CREB5: variants seen among roughly 807,000 people sequenced by gnomAD.
The protein encoded by CREB5 is cAMP responsive element binding protein 5.
A neutral mutation model predicts 57.1 loss-of-function variants in CREB5; 19 were observed. The observed-to-expected ratio is 0.33, with a 90% CI of 0.23 to 0.49. CREB5 has a LOEUF of 0.49. Ranked by LOEUF, CREB5 falls within the 20% of genes least tolerant of loss-of-function variation. CREB5 has a pLI of 0.99. For synonymous variants in CREB5, 238 were observed against 238.3 expected, an observed-to-expected ratio of 1.00 and a Z score of 0.01; for missense variants, 579 against 671.6, an observed-to-expected ratio of 0.86 and a Z score of 1.52.
At chr7:28,674,067 G>C (rs535662115) in intron 5 of CREB5, among the ~76,000 whole-genome samples, 1 of 152,056 alleles carries the variant, frequency 6.6e-6, no homozygotes, top group African/African-American at 2.4e-5. Flanking sequence ...AAAGGACAGG[G>C]TGCATAGGCA....
chr7:28,787,315 T>C (rs1807388333), intron 7 of CREB5, among the ~76,000 whole-genome samples: 1 of 152,204 alleles, frequency 6.6e-6, no homozygotes, highest in Non-Finnish European at 1.5e-5. Context: ...ACTTCCTCCT[T>C]GTTTCTTATT....
chr7:28,780,741 T>C (rs1390589213), intron 7 of CREB5, among the ~76,000 whole-genome samples: 3 of 152,274 alleles, frequency 2.0e-5, no homozygotes, highest in Non-Finnish European at 2.9e-5. Context: ...CCCTGTACTA[T>C]GAGTCTAGTG....
At chr7:28,323,251 G>A (rs778951425) in intron 1 of CREB5, among the ~76,000 whole-genome samples, 17 of 152,282 alleles carry the variant, frequency 1.1e-4, no homozygotes, top group Admixed American at 2.6e-4. Flanking sequence ...CCACAACTGT[G>A]CTGACTGTTC....
intron 5 of CREB5, chr7:28,615,720 G>A (rs574440775): frequency 6.6e-6 from 1 of 152,460 alleles, no homozygotes; most frequent in Admixed American, 6.5e-5. Context: ...TAACCTCCAG[G>A]GCCTTGATCT....
intron 1 of CREB5, among the ~76,000 whole-genome samples, chr7:28,313,210 T>C (rs1381497563): frequency 1.3e-5 from 2 of 152,220 alleles, no homozygotes; most frequent in Admixed American, 1.3e-4. Flanking sequence ...CTGATCTAGA[T>C]GGTGCTTGAA....
intron 4 of CREB5, among the ~76,000 whole-genome samples, chr7:28,544,471 A>C (rs1327311458): frequency 3.3e-5 from 5 of 152,200 alleles, no homozygotes; most frequent in Non-Finnish European, 7.3e-5. Context: ...ACATCTTTTA[A>C]ATTTAACTTT....
chr7:28,313,408 A>C (rs893418967), intron 1 of CREB5, among the ~76,000 whole-genome samples: 9 of 152,158 alleles, frequency 5.9e-5, no homozygotes, highest in Non-Finnish European at 1.0e-4. Flanking sequence ...AATTTTATTC[A>C]TCATAGTTTT....
chr7:28,387,373 C>T (rs887329453), intron 1 of CREB5, among the ~76,000 whole-genome samples: 1 of 151,624 alleles, frequency 6.6e-6, no homozygotes, highest in Non-Finnish European at 1.5e-5. Flanking sequence ...GAATGTATGT[C>T]TTTTGAGAAG....
chr7:28,346,909 A>G (rs1349271178), intron 1 of CREB5, among the ~76,000 whole-genome samples: 1 of 152,212 alleles, frequency 6.6e-6, no homozygotes, highest in Non-Finnish European at 1.5e-5. Context: ...TTTGATCAGT[A>G]TAAAAGGGAA....
chr7:28,556,915 C>A (rs1794903608), intron 4 of CREB5, among the ~76,000 whole-genome samples: 1 of 152,180 alleles, frequency 6.6e-6, no homozygotes, highest in African/African-American at 2.4e-5. Flanking sequence ...TGGCCACGTG[C>A]CCTCTCCCCA....
intron 5 of CREB5, among the ~76,000 whole-genome samples, chr7:28,614,897 T>G (rs572037955): frequency 2.2e-4 from 33 of 152,326 alleles, no homozygotes; most frequent in Non-Finnish European, 4.4e-4. Flanking sequence ...AGCATTTCAT[T>G]CATATTTTAA....
chr7:28,811,461 C>T (rs539362291), intron 9 of CREB5, among the ~76,000 whole-genome samples: 2 of 152,308 alleles, frequency 1.3e-5, no homozygotes, highest in Middle Eastern at 3.4e-3. Flanking sequence ...TGGAGGGCAG[C>T]TTACTGCAAC....
chr7:28,400,199 T>G (rs1787428447), intron 1 of CREB5, among the ~76,000 whole-genome samples: 1 of 152,206 alleles, frequency 6.6e-6, no homozygotes, highest in South Asian at 2.1e-4. Context: ...CAATGGGGAT[T>G]CTGGAGTCAG....
chr7:28,535,021 T>A lies in CREB5; in HGVS notation c.291+27284T>A, dbSNP rs1325589673. ...GGCCATGTGTTTCTTACCTGAGGGC[T>A]TGCGGACTGCAGCTCGCATCTCTGG... On this transcript the variant is annotated intron_variant, in intron 4 of 10. Coordinates refer to ENST00000357727, the MANE Select transcript of CREB5 (RefSeq NM_182898.4). Among the ~76,000 whole-genome samples, 2 of 141,698 alleles carry A rather than the reference T, an allele frequency of 1.4e-5. 1 individual carries two copies. The highest frequency in any genetic ancestry group is 1.4e-4 in the Admixed American group (2 of 14,208). 93.0% of individuals were successfully genotyped at this position (141,698 alleles called of 152,430 possible).
chr7:28,699,012 A>C (rs955934927), intron 5 of CREB5, among the ~76,000 whole-genome samples: 1 of 152,110 alleles, frequency 6.6e-6, no homozygotes, highest in Non-Finnish European at 1.5e-5. Context: ...TTTGAGCGAG[A>C]TACTCACAAT....
chr7:28,447,866 AT>A (rs1295424255), intron 1 of CREB5, among the ~76,000 whole-genome samples: 1 of 152,204 alleles, frequency 6.6e-6, no homozygotes, highest in East Asian at 1.9e-4. Flanking sequence ...TAAGATCGAA[AT>A]CCACTAAAGA....
At chr7:28,383,397 T>C (rs1000721185) in intron 1 of CREB5, among the ~76,000 whole-genome samples, 1 of 152,194 alleles carries the variant, frequency 6.6e-6, no homozygotes, top group African/African-American at 2.4e-5. Context: ...TAGCTGGGAC[T>C]GGGTAATATG....
At chr7:28,803,115 G>A (rs1808469017) in intron 7 of CREB5, among the ~76,000 whole-genome samples, 1 of 152,174 alleles carries the variant, frequency 6.6e-6, no homozygotes, top group Non-Finnish European at 1.5e-5. Context: ...TTGTGTGCAT[G>A]TCTGCTTATG....
At chr7:28,333,113 G>A (rs1054607957) in intron 1 of CREB5, among the ~76,000 whole-genome samples, 7 of 152,214 alleles carry the variant, frequency 4.6e-5, no homozygotes, top group Non-Finnish European at 7.3e-5. Flanking sequence ...CAGCTATGAA[G>A]TGGGAATGCT....
Sources: gnomAD v4.1 joint callset for allele counts (sites outside exome capture counted in the v4.1 genomes callset) on GRCh38, gnomAD v4.1.1 for gene constraint, MANE v1.5 for transcripts, NCBI Gene and HGNC (gene_info 2026-07-23, HGNC 2026-07-21) for gene names.